SAMSN1: variants seen among roughly 807,000 people sequenced by gnomAD.
SAMSN1 encodes SAM domain-containing protein SAMSN-1.
SAMSN1 carries 31 observed loss-of-function variants against 42.0 expected under a neutral mutation model. The observed-to-expected ratio is 0.74, with a 90% CI of 0.55 to 1.00. The LOEUF (loss-of-function observed/expected upper bound fraction) is 1.00, where lower values mean the gene tolerates loss of function less well. Ranked by LOEUF, SAMSN1 falls within the 50% of genes least tolerant of loss-of-function variation. The pLI, the probability that SAMSN1 is intolerant of heterozygous loss-of-function variation, is 0.00. For missense variants in SAMSN1, 464 were observed against 439.4 expected (o/e 1.06, Z -0.50); for synonymous variants, 178 against 151.9 (o/e 1.17, Z -1.26).
intron 2 of SAMSN1, among the ~76,000 whole-genome samples, chr21:14,551,833 C>T (rs562652441): frequency 9.2e-5 from 14 of 152,126 alleles, no homozygotes; most frequent in Middle Eastern, 3.4e-3. Context: ...GGTTTGGTAA[C>T]GTGTCTAGTT....
At chr21:14,527,268 G>T (rs1213838701) in intron 1 of SAMSN1, among the ~76,000 whole-genome samples, 1 of 152,142 alleles carries the variant, frequency 6.6e-6, no homozygotes, top group Non-Finnish European at 1.5e-5. Context: ...GACACTCGAG[G>T]ATTTAATTGT....
chr21:14,578,139 C>G (rs1345574385), intron 2 of SAMSN1, among the ~76,000 whole-genome samples: 3 of 152,112 alleles, frequency 2.0e-5, no homozygotes, highest in African/African-American at 4.8e-5. Flanking sequence ...CTAAATTTTT[C>G]TAATAGATAT....
chr21:14,577,259 T>C, intron 2 of SAMSN1, among the ~76,000 whole-genome samples: 1 of 46,610 alleles, frequency 2.1e-5, no homozygotes, highest in Admixed American at 1.8e-4. Context: ...TATATATATA[T>C]ATATATATAT....
intron 2 of SAMSN1, among the ~76,000 whole-genome samples, chr21:14,553,455 G>GT (rs1381983351): frequency 5.3e-5 from 8 of 152,096 alleles, no homozygotes; most frequent in African/African-American, 1.2e-4. Context: ...CACTTTAGAT[G>GT]TTTTTTCTGT....
chr21:14,622,638 A>C (rs1600969662), intron 2 of SAMSN1, among the ~76,000 whole-genome samples: 2 of 152,202 alleles, frequency 1.3e-5, no homozygotes, highest in Non-Finnish European at 2.9e-5. Context: ...CCAAATCTAC[A>C]TCTGATTGGT....
intron 1 of SAMSN1, among the ~76,000 whole-genome samples, chr21:14,530,261 G>A (rs1979165589): frequency 6.9e-6 from 1 of 144,910 alleles, no homozygotes; most frequent in Admixed American, 7.3e-5. Context: ...AGCTTGCAGT[G>A]AGCCGAGATT....
intron 2 of SAMSN1, among the ~76,000 whole-genome samples, 194 bp downstream of exon 2, chr21:14,520,956 C>T (rs1244639014): frequency 1.3e-5 from 2 of 150,672 alleles, no homozygotes; most frequent in African/African-American, 2.4e-5. Flanking sequence ...TTTTCCTGGT[C>T]GTGTGACAAG....
At chr21:14,594,282 G>T (rs756565961) in intron 6 of SAMSN1, among the ~76,000 whole-genome samples, 6 of 152,064 alleles carry the variant, frequency 3.9e-5, no homozygotes, top group Non-Finnish European at 5.9e-5. Flanking sequence ...GACAAATATG[G>T]AATATGTGTA....
intron 7 of SAMSN1, among the ~76,000 whole-genome samples, chr21:14,487,467 G>C (rs1986488315): frequency 6.6e-6 from 1 of 151,934 alleles, no homozygotes; most frequent in African/African-American, 2.4e-5. Context: ...AATGAGAATT[G>C]TGCTGTAAGT....
intron 2 of SAMSN1, 51 bp downstream of exon 2, chr21:14,521,098 TA>T: frequency 8.9e-7 from 1 of 1,121,004 alleles, no homozygotes; most frequent in Non-Finnish European, 1.3e-6. Context: ...GTCTTCATAA[TA>T]TTTCATAATG....
intron 7 of SAMSN1, among the ~76,000 whole-genome samples, chr21:14,495,543 T>C (rs143726958): frequency 1.9e-3 from 282 of 152,284 alleles, no homozygotes; most frequent in African/African-American, 6.5e-3. Context: ...GTTGAATCTG[T>C]ATTTTTTTTT....
At chr21:14,548,040 G>T (rs757939646), upstream of SAMSN1, among the ~76,000 whole-genome samples, 1 of 152,108 alleles carries the variant, frequency 6.6e-6, no homozygotes, top group Non-Finnish European at 1.5e-5. Flanking sequence ...CTTTCAGTTT[G>T]GGCTTGGGTT....
intron 3 of SAMSN1, among the ~76,000 whole-genome samples, chr21:14,513,466 T>C (rs946721875): frequency 6.6e-6 from 1 of 152,098 alleles, no homozygotes; most frequent in African/African-American, 2.4e-5. Context: ...GATAACAGGG[T>C]GCTTGCTATA....
chr21:14,575,295 G>T (rs1237391468), intron 2 of SAMSN1, among the ~76,000 whole-genome samples: 3 of 152,092 alleles, frequency 2.0e-5, no homozygotes, highest in Non-Finnish European at 4.4e-5. Context: ...CATAATTAAT[G>T]ATTATTTTCT....
intron 1 of SAMSN1, among the ~76,000 whole-genome samples, chr21:14,521,548 G>T (rs1205257651): frequency 6.6e-6 from 1 of 152,042 alleles, no homozygotes; most frequent in Non-Finnish European, 1.5e-5. Context: ...CCAAACTAAA[G>T]CTTCTTGAAA....
At chr21:14,640,091 T>C (rs1286372720) in intron 2 of SAMSN1, among the ~76,000 whole-genome samples, 6 of 152,230 alleles carry the variant, frequency 3.9e-5, no homozygotes, top group Non-Finnish European at 7.3e-5. Context: ...CCTTTGAGAA[T>C]ATTGATGATC....
intron 1 of SAMSN1, among the ~76,000 whole-genome samples, chr21:14,544,500 A>G (rs1050163206): frequency 1.4e-4 from 21 of 152,364 alleles, no homozygotes; most frequent in Middle Eastern, 3.4e-3. Flanking sequence ...TGAATGTATG[A>G]AAAACATGCC....
chr21:14,546,131 GT>G (rs1980373813), intron 1 of SAMSN1, 73 bp downstream of exon 1: 2 of 1,301,754 alleles, frequency 1.5e-6, no homozygotes, highest in Non-Finnish European at 2.2e-6. Context: ...CATTGTATGT[GT>G]TCAAACACAC....
intron 2 of SAMSN1, among the ~76,000 whole-genome samples, chr21:14,555,914 A>G (rs1375876470): frequency 1.3e-5 from 2 of 152,196 alleles, no homozygotes; most frequent in Non-Finnish European, 2.9e-5. Flanking sequence ...TTATCTGAAC[A>G]TAGTACACCT....
Sources: gnomAD v4.1 joint callset for allele counts (sites outside exome capture counted in the v4.1 genomes callset) on GRCh38, gnomAD v4.1.1 for gene constraint, MANE v1.5 for transcripts, NCBI Gene and HGNC (gene_info 2026-07-23, HGNC 2026-07-21) for gene names.